Variants in ATG7 observed in about 807,000 individuals in gnomAD.
ATG7 encodes ubiquitin-like modifier-activating enzyme ATG7.
In ATG7, 70 loss-of-function variants were observed where a neutral mutation model predicts 82.4. The observed-to-expected ratio is 0.85, with a 90% CI of 0.70 to 1.04. The LOEUF is 1.04. ATG7 is among the 50% of genes least tolerant of loss of function. The pLI, the probability that ATG7 is intolerant of heterozygous loss-of-function variation, is 0.00. For missense variants in ATG7, 792 were observed against 864.3 expected (o/e 0.92, Z 1.05); for synonymous variants, 287 against 313.0 (o/e 0.92, Z 0.88).
chr3:11,424,114 G>A lies in ATG7; in HGVS notation c.1957-2690G>A, dbSNP rs542292965. On this transcript the variant is annotated intron_variant, in intron 19 of 20. Coordinates refer to ENST00000693202, the MANE Select transcript of ATG7 (RefSeq NM_001349232.2). ...CTGCCTCCCGTCGCCTGGTCCTTTC[G>A]CTTTTCACTGCTGCAGCTTTGCTCA... is the stretch of plus-strand genomic sequence containing the variant. 1.2e-4 allele frequency among the ~76,000 whole-genome samples: 18 copies of A among 152,068 alleles called. No homozygotes were observed. The South Asian group carries it at 3.5e-3, about 30-fold the overall frequency.
intron 1 of ATG7, among the ~76,000 whole-genome samples, chr3:11,275,169 C>T (rs1941438358): frequency 6.6e-6 from 1 of 152,042 alleles, no homozygotes; most frequent in African/African-American, 2.4e-5. Flanking sequence ...AATCAGGATC[C>T]TGATGACGGG....
At chr3:11,417,800 A>ATTTTTTT (rs1314378737) in intron 19 of ATG7, among the ~76,000 whole-genome samples, 62 of 109,348 alleles carry the variant, frequency 5.7e-4, no homozygotes, top group East Asian at 1.2e-3. Context: ...TATTATTATT[A>ATTTTTTT]TTTTATTTTA....
intron 15 of ATG7, among the ~76,000 whole-genome samples, chr3:11,359,522 C>T (rs2076151653): frequency 6.6e-6 from 1 of 151,984 alleles, no homozygotes; most frequent in Non-Finnish European, 1.5e-5. Context: ...TGGTGAGACT[C>T]TCTCTCTAGA....
intron 14 of ATG7, among the ~76,000 whole-genome samples, chr3:11,357,443 C>T (rs1486634890): frequency 6.6e-6 from 1 of 152,174 alleles, no homozygotes. Context: ...TCTGACATCA[C>T]CCACCATAAC....
At chr3:11,288,286 T>C (rs529050849) in intron 3 of ATG7, among the ~76,000 whole-genome samples, 1 of 152,360 alleles carries the variant, frequency 6.6e-6, no homozygotes, top group Admixed American at 6.5e-5. Flanking sequence ...TGCTGAAATT[T>C]ATCTTACTAT....
At position 11,445,125 on chromosome 3, in the gene ATG7, G is replaced by A. The variant is rs192169728; in HGVS notation, c.2079+18199G>A. Among the ~76,000 whole-genome samples the A allele has an allele frequency of 4.4e-3, 670 of 152,302 alleles. 5 individuals carry two copies. The highest frequency in any genetic ancestry group is 8.2e-3 in the Non-Finnish European group (559 of 68,014). On this transcript the variant is annotated intron_variant, in intron 20 of 20. Coordinates refer to ENST00000693202, the MANE Select transcript of ATG7 (RefSeq NM_001349232.2). Reference sequence around the variant, plus strand: ...GGTGGAAGTGTAAATTAGTTAAATCGTTGTAGAAAGCAGTGTGGAGATTCT... The same window carrying A: ...GGTGGAAGTGTAAATTAGTTAAATCATTGTAGAAAGCAGTGTGGAGATTCT...
At position 11,348,032 on chromosome 3, in the gene ATG7, T is replaced by A; in HGVS notation, c.1281T>A (p.Gly427=). Residue 427 remains glycine, a synonymous_variant, in exon 14 of 21, where the codon GGT becomes GGA. Transcript: ENST00000693202. The part of the protein sequence containing the change: ...AADRLQKIFP[G]VNARGFNMSI... ...ACCGGCTCCAGAAAATATTCCCCGG[T>A]GTGGTATGTTGTTGCTTTTGCAGAG... The A allele has an allele frequency of 6.2e-7, 1 of 1,612,066 alleles. No individual in the cohort carries two copies. The highest frequency in any genetic ancestry group is 8.5e-7 in the Non-Finnish European group (1 of 1,178,710).
At position 11,416,561 on chromosome 3, in the gene ATG7, A is replaced by AT. The variant is rs577519142; in HGVS notation, c.1957-10242dup. On this transcript the variant is annotated intron_variant, in intron 19 of 20. Coordinates refer to ENST00000693202, the MANE Select transcript of ATG7 (RefSeq NM_001349232.2). Reference sequence around the variant, plus strand: ...AGATCTCATAGACATGAAAAGGATAATAAAGGAATACTATCACTAAAAAGT... The same window carrying AT: ...AGATCTCATAGACATGAAAAGGATAATTAAAGGAATACTATCACTAAAAAGT... 2.0e-4 allele frequency among the ~76,000 whole-genome samples: 31 copies of AT among 152,316 alleles called. No individual in the cohort carries two copies. The East Asian group carries it at 5.4e-3, about 27-fold the overall frequency.
At chr3:11,335,537 G>C (rs1222539901) in intron 11 of ATG7, among the ~76,000 whole-genome samples, 1 of 152,206 alleles carries the variant, frequency 6.6e-6, no homozygotes, top group African/African-American at 2.4e-5. Context: ...GGTCTGGTCT[G>C]TGTGTCTGAC....
intron 20 of ATG7, among the ~76,000 whole-genome samples, chr3:11,449,098 A>G (rs1284823675): frequency 6.6e-6 from 1 of 152,238 alleles, no homozygotes; most frequent in Non-Finnish European, 1.5e-5. Flanking sequence ...AATTACAAAT[A>G]AATAACAGAC....
intron 9 of ATG7, among the ~76,000 whole-genome samples, chr3:11,327,752 G>A (rs1575473318): frequency 6.6e-6 from 1 of 152,314 alleles, no homozygotes; most frequent in East Asian, 1.9e-4. Context: ...GCATCTTCAA[G>A]TTTGAGATCC....
intron 20 of ATG7, among the ~76,000 whole-genome samples, chr3:11,427,814 CAAAAAAAAA>C (rs11288609): frequency 7.4e-6 from 1 of 135,234 alleles, no homozygotes; most frequent in African/African-American, 2.7e-5. Flanking sequence ...GACTCCGTCT[CAAAAAAAAA>C]AAAAAAAATT....
intron 20 of ATG7, among the ~76,000 whole-genome samples, chr3:11,530,915 A>T (rs1423381521): frequency 6.6e-6 from 1 of 152,190 alleles, no homozygotes; most frequent in Non-Finnish European, 1.5e-5. Context: ...TGGGAGGCAG[A>T]GGTTGCAGTG....
intron 19 of ATG7, among the ~76,000 whole-genome samples, chr3:11,383,198 C>G (rs2078048948): frequency 6.6e-6 from 1 of 152,168 alleles, no homozygotes; most frequent in Non-Finnish European, 1.5e-5. Context: ...AGTTGAGGAT[C>G]AAACATTGCA....
chr3:11,354,650 C>CAAAAA (rs5846706), intron 14 of ATG7, among the ~76,000 whole-genome samples: 9 of 61,948 alleles, frequency 1.5e-4, no homozygotes, highest in Admixed American at 4.6e-4. Flanking sequence ...TCCATCTCAC[C>CAAAAA]AAAAAAAAAA....
In ATG7 at chr3:11,371,993, C is replaced by T. The variant is rs776821384; in HGVS notation, c.1875+7259C>T. 1.3e-4 allele frequency among the ~76,000 whole-genome samples: 20 copies of T among 151,320 alleles called. 1 individual carries two copies. Among genetic ancestry groups the T allele is most frequent in the Middle Eastern group, 3.2e-3 (1 of 310 alleles). On this transcript the variant is annotated intron_variant, in intron 18 of 20. Coordinates refer to ENST00000693202, the MANE Select transcript of ATG7 (RefSeq NM_001349232.2). ...AGCGAGGCCAAACAACCATATAAAGCGAGGCCAAACGACCTATTCTGATGC... is the reference window on the plus strand; with the variant it reads ...AGCGAGGCCAAACAACCATATAAAGTGAGGCCAAACGACCTATTCTGATGC...
At position 11,442,463 on chromosome 3, in the gene ATG7, A is replaced by T. The variant is rs1310666404; in HGVS notation, c.2079+15537A>T. Reference sequence around the variant, plus strand: ...ATTTTTTTCATAAAAATGTTTCGGGATATATATCATAGGCCTTTGAACGTA... The same window carrying T: ...ATTTTTTTCATAAAAATGTTTCGGGTTATATATCATAGGCCTTTGAACGTA... On this transcript the variant is annotated intron_variant, in intron 20 of 20. Coordinates refer to ENST00000693202, the MANE Select transcript of ATG7 (RefSeq NM_001349232.2). Among the ~76,000 whole-genome samples the T allele has an allele frequency of 9.9e-5, 15 of 152,134 alleles. 1 individual carries two copies. Among genetic ancestry groups the T allele is most frequent in the Non-Finnish European group, 1.5e-5 (1 of 68,014 alleles).
At chr3:11,377,900 T>G (rs938944447) in intron 18 of ATG7, among the ~76,000 whole-genome samples, 1 of 152,164 alleles carries the variant, frequency 6.6e-6, no homozygotes, top group Non-Finnish European at 1.5e-5. Context: ...AGCAAACTTA[T>G]GACCCTGATT....
rs1315726967 is a variant in ATG7 at position 11,299,426 on chromosome 3, T to C, written c.215+10T>C. 6.2e-7 allele frequency: 1 copy of C among 1,605,446 alleles called. No homozygotes were observed. Among genetic ancestry groups the C allele is most frequent in the South Asian group, 1.1e-5 (1 of 90,928 alleles). ...TCAGTGCTTTTGACATGTGAGTATT[T>C]ATTTGTTCAAAATCTGAAGTAAAGA... On this transcript the variant is annotated intron_variant, in intron 5 of 20. Coordinates refer to ENST00000693202, the MANE Select transcript of ATG7 (RefSeq NM_001349232.2).
Sources: gnomAD v4.1 joint callset for allele counts (sites outside exome capture counted in the v4.1 genomes callset) on GRCh38, gnomAD v4.1.1 for gene constraint, MANE v1.5 for transcripts, NCBI Gene and HGNC (gene_info 2026-07-23, HGNC 2026-07-21) for gene names.